Variants in SND1 observed in about 807,000 individuals in gnomAD.
SND1 encodes the protein staphylococcal nuclease domain-containing protein 1.
Under a neutral mutation model 121.7 loss-of-function variants are expected in SND1, and 38 were observed. The observed-to-expected ratio is 0.31, with a 90% CI of 0.24 to 0.41. The LOEUF (loss-of-function observed/expected upper bound fraction) is 0.41. SND1 is among the 10% of genes least tolerant of loss of function. SND1 has a pLI of 1.00. For synonymous variants in SND1, 401 were observed against 447.4 expected (o/e 0.90, Z 1.31); for missense variants, 868 against 1,184.6 (o/e 0.73, Z 3.92).
intron 10 of SND1, among the ~76,000 whole-genome samples, chr7:127,739,336 CT>C: frequency 6.6e-6 from 1 of 152,314 alleles, no homozygotes; most frequent in East Asian, 1.9e-4. Context: ...ATGCCCTTTA[CT>C]GTCCTTTTAC....
chr7:128,081,634 C>T (rs1009727341), intron 18 of SND1, 133 bp downstream of exon 18: 9 of 983,326 alleles, frequency 9.2e-6, no homozygotes, highest in Non-Finnish European at 1.2e-5. Flanking sequence ...GAAGAGCTCA[C>T]GTTGCCGCCC....
intron 16 of SND1, among the ~76,000 whole-genome samples, chr7:128,054,126 G>T (rs1184464616): frequency 1.3e-5 from 2 of 152,196 alleles, no homozygotes; most frequent in Admixed American, 6.5e-5. Flanking sequence ...TGACCTGCAT[G>T]GTGGTCAGAT....
chr7:127,807,473 T>G lies in SND1; in HGVS notation c.1153-11T>G. ...GTTCATTCCTGATGTCATGTTTTAT[T>G]TTACTTTTAGGATAAGAACAAGAAA... On this transcript the variant is annotated splice_polypyrimidine_tract_variant and intron_variant, in intron 10 of 23. Transcript: ENST00000354725. The G allele has an allele frequency of 6.2e-7, 1 of 1,604,178 alleles. No homozygotes were observed. The highest frequency in any genetic ancestry group is 8.5e-7 in the Non-Finnish European group (1 of 1,171,098).
intron 10 of SND1, among the ~76,000 whole-genome samples, chr7:127,740,288 A>T (rs1430027523): frequency 6.6e-6 from 1 of 152,202 alleles, no homozygotes; most frequent in Admixed American, 6.5e-5. Context: ...TTTGTAAAAA[A>T]GCCATTTTCT....
At chr7:127,852,402 C>T (rs1320864174) in intron 12 of SND1, among the ~76,000 whole-genome samples, 5 of 150,340 alleles carry the variant, frequency 3.3e-5, no homozygotes, top group Middle Eastern at 6.4e-3. Flanking sequence ...GCAGGAGAAT[C>T]GCTTGAACCC....
At chr7:127,888,066 T>G in intron 13 of SND1, 54 bp downstream of exon 13, 1 of 1,286,924 alleles carries the variant, frequency 7.8e-7, no homozygotes, top group Non-Finnish European at 1.1e-6. Context: ...ACTTTTTTCT[T>G]TCCCAGTTTT....
intron 1 of SND1, 21 bp downstream of exon 1, chr7:127,652,472 C>T (rs1795139309): frequency 1.3e-6 from 2 of 1,550,096 alleles, no homozygotes; most frequent in East Asian, 2.4e-5. Flanking sequence ...GCCCCGGACA[C>T]CGACCCCTCT....
chr7:127,872,594 C>A (rs1001336168), intron 12 of SND1, among the ~76,000 whole-genome samples: 16 of 150,320 alleles, frequency 1.1e-4, no homozygotes, highest in African/African-American at 3.7e-4. Flanking sequence ...TGATATGACA[C>A]AGTATCTTAC....
At chr7:127,684,934 A>G (rs1481158947) in intron 1 of SND1, among the ~76,000 whole-genome samples, 1 of 152,056 alleles carries the variant, frequency 6.6e-6, no homozygotes, top group Non-Finnish European at 1.5e-5. Flanking sequence ...TGTATATTGG[A>G]ATGTACAATA....
intron 14 of SND1, among the ~76,000 whole-genome samples, chr7:127,906,233 T>A (rs1800335835): frequency 6.6e-6 from 1 of 152,164 alleles, no homozygotes; most frequent in Non-Finnish European, 1.5e-5. Flanking sequence ...TGGCTTAGAA[T>A]CCTGAGAAGC....
chr7:127,879,999 T>G (rs1799760340), intron 12 of SND1, among the ~76,000 whole-genome samples: 1 of 152,200 alleles, frequency 6.6e-6, no homozygotes, highest in South Asian at 2.1e-4. Flanking sequence ...CAATTTTAGT[T>G]GCCCATGATC....
intron 15 of SND1, among the ~76,000 whole-genome samples, chr7:127,980,629 T>G (rs1802237519): frequency 6.6e-6 from 1 of 152,188 alleles, no homozygotes; most frequent in Non-Finnish European, 1.5e-5. Flanking sequence ...CTCAGAGCAA[T>G]TTTATTTGAG....
At chr7:128,086,634 T>G in intron 20 of SND1, 4 of 424,674 alleles carry the variant, frequency 9.4e-6, no homozygotes, top group Non-Finnish European at 1.3e-5. Context: ...CAGAAGGGCA[T>G]TGGGAGGAAA....
intron 15 of SND1, among the ~76,000 whole-genome samples, chr7:127,934,358 C>G (rs576256353): frequency 3.2e-4 from 49 of 152,252 alleles, no homozygotes; most frequent in Middle Eastern, 3.4e-3. Flanking sequence ...TAGTCCTTCT[C>G]TTTCAGATTA....
At chr7:127,872,000 G>A (rs1799598662) in intron 12 of SND1, among the ~76,000 whole-genome samples, 1 of 152,056 alleles carries the variant, frequency 6.6e-6, no homozygotes. Flanking sequence ...AGGTGTGGTG[G>A]TGCACGCCTG....
intron 16 of SND1, among the ~76,000 whole-genome samples, chr7:128,032,271 C>T (rs1244822014): frequency 6.6e-6 from 1 of 151,126 alleles, no homozygotes. Flanking sequence ...CGCCCGTCTT[C>T]CTCTTTCCTC....
chr7:127,783,723 T>A (rs190046773), intron 10 of SND1, among the ~76,000 whole-genome samples: 3 of 152,350 alleles, frequency 2.0e-5, no homozygotes, highest in Admixed American at 2.0e-4. Flanking sequence ...AAAAATTCTC[T>A]TTAATCATCA....
At chr7:128,000,688 T>C (rs1474757719) in intron 16 of SND1, among the ~76,000 whole-genome samples, 1 of 152,162 alleles carries the variant, frequency 6.6e-6, no homozygotes, top group Non-Finnish European at 1.5e-5. Context: ...TAATGTGGTA[T>C]GTTTGGAGTG....
chr7:128,052,258 G>A lies in SND1; in HGVS notation c.1780-22244G>A, dbSNP rs1793059368. Among the ~76,000 whole-genome samples the A allele has an allele frequency of 6.6e-6, 1 of 152,158 alleles. No homozygotes were observed. The highest frequency in any genetic ancestry group is 1.5e-5 in the Non-Finnish European group (1 of 68,040). On this transcript the variant is annotated intron_variant, in intron 16 of 23. Coordinates refer to ENST00000354725, the MANE Select transcript of SND1 (RefSeq NM_014390.4). The surrounding 1 kb of genome is among the most constrained non-coding windows in gnomAD (Gnocchi z 4.6). ...GTCCATTTCTTCTGCCTGGACTTAG[G>A]GATTACAGGCCATTTATGTCCAGCT...
Sources: gnomAD v4.1 joint callset for allele counts (sites outside exome capture counted in the v4.1 genomes callset) on GRCh38, gnomAD v4.1.1 for gene constraint, Gnocchi (gnomAD v3.1) non-coding constraint, MANE v1.5 for transcripts, NCBI Gene and HGNC (gene_info 2026-07-23, HGNC 2026-07-21) for gene names.